PPP1R42: variants seen among roughly 807,000 people sequenced by gnomAD.
PPP1R42 encodes protein phosphatase 1 regulatory subunit 42, also known as leucine rich repeat containing 67.
In PPP1R42, 34 loss-of-function variants were observed where a neutral mutation model predicts 31.0. The ratio of observed to expected loss-of-function variants is 1.10; its 90% CI spans 0.83 to 1.46. PPP1R42 has a LOEUF of 1.46. Among genes scored for constraint, PPP1R42 ranks in the 40% most tolerant of loss-of-function variants. The probability of loss-of-function intolerance (pLI) is 0.00; values close to 1 mark genes in which losing one functional copy is unlikely to be tolerated. For missense variants in PPP1R42, 268 were observed against 303.0 expected (o/e 0.88, Z 0.86); for synonymous variants, 103 against 109.8 (o/e 0.94, Z 0.39).
intron 1 of PPP1R42, among the ~76,000 whole-genome samples, chr8:67,026,004 CAAA>C (rs534627312): frequency 3.6e-5 from 3 of 82,786 alleles, no homozygotes; most frequent in Non-Finnish European, 2.5e-5. Flanking sequence ...GACTCCGTCT[CAAA>C]AAAAAAAAAA....
intron 5 of PPP1R42, among the ~76,000 whole-genome samples, chr8:66,998,337 C>T (rs1815391932): frequency 6.6e-6 from 1 of 152,088 alleles, no homozygotes; most frequent in African/African-American, 2.4e-5. Flanking sequence ...TAAAAAAATT[C>T]ATTTCTAGTT....
intron 7 of PPP1R42, among the ~76,000 whole-genome samples, chr8:66,979,133 C>T (rs962643956): frequency 1.3e-5 from 2 of 152,162 alleles, no homozygotes; most frequent in Non-Finnish European, 2.9e-5. Context: ...TTTCCCAGAC[C>T]AATGTCCTGA....
At chr8:66,986,701 T>G (rs796237971) in intron 6 of PPP1R42, among the ~76,000 whole-genome samples, 6 of 152,370 alleles carry the variant, frequency 3.9e-5, no homozygotes, top group African/African-American at 1.4e-4. Context: ...ATTAGGCTAC[T>G]TGCAGTTTTC....
intron 5 of PPP1R42, among the ~76,000 whole-genome samples, chr8:66,999,581 C>T (rs568707802): frequency 2.7e-4 from 41 of 152,236 alleles, no homozygotes; most frequent in Non-Finnish European, 4.1e-4. Context: ...AACTCCTGAG[C>T]GCAAGAGATC....
At chr8:67,011,484 G>A (rs1194776109) in intron 4 of PPP1R42, among the ~76,000 whole-genome samples, 1 of 152,196 alleles carries the variant, frequency 6.6e-6, no homozygotes, top group African/African-American at 2.4e-5. Flanking sequence ...CAGAGATCAC[G>A]CCTGGGCGAC....
chr8:66,997,672 G>A (rs1159307214), intron 5 of PPP1R42, among the ~76,000 whole-genome samples: 19 of 150,420 alleles, frequency 1.3e-4, no homozygotes, highest in African/African-American at 4.7e-4. Context: ...TCAGCCTTTT[G>A]GGTAGCTGGT....
chr8:66,967,559 G>A (rs749762903), intron 7 of PPP1R42, among the ~76,000 whole-genome samples: 1 of 152,144 alleles, frequency 6.6e-6, no homozygotes, highest in African/African-American at 2.4e-5. Context: ...TGTTACAACT[G>A]TTCAAATATA....
At chr8:66,992,700 C>A (rs1440440162) in intron 5 of PPP1R42, among the ~76,000 whole-genome samples, 1 of 152,168 alleles carries the variant, frequency 6.6e-6, no homozygotes, top group African/African-American at 2.4e-5. Flanking sequence ...AAAAGTTTGC[C>A]TCCCGTAACC....
rs533596525 is a variant in PPP1R42, at chr8:67,010,577, G to C, written c.552+138C>G. The C allele has an allele frequency of 9.2e-6, 6 of 655,338 alleles. No individual in the cohort carries two copies. In the East Asian group the frequency reaches 1.7e-4, roughly 18 times the overall value. 40.6% of individuals were successfully genotyped at this position (655,338 alleles called of 1,614,324 possible). A position where few individuals can be genotyped will look rare whatever the true frequency, so the allele number is the denominator to read the frequency against. ...ATTATACACATAAATACATTGAGAA[G>C]TAGGGATTCATTAGCTAATTTTAGA... On this transcript the variant is annotated intron_variant, in intron 5 of 7. Transcript: ENST00000685739.
chr8:66,970,568 T>G (rs963212157), intron 7 of PPP1R42, among the ~76,000 whole-genome samples: 1 of 152,250 alleles, frequency 6.6e-6, no homozygotes, highest in African/African-American at 2.4e-5. Context: ...GAAAGTAGTC[T>G]AATTCTGTAG....
chr8:66,978,199 A>G (rs985509121), intron 7 of PPP1R42, among the ~76,000 whole-genome samples: 1 of 152,200 alleles, frequency 6.6e-6, no homozygotes, highest in African/African-American at 2.4e-5. Flanking sequence ...GGCAAAAGGC[A>G]CATCTTACAT....
At chr8:67,001,522 C>A (rs1480252913) in intron 5 of PPP1R42, among the ~76,000 whole-genome samples, 3 of 151,126 alleles carry the variant, frequency 2.0e-5, no homozygotes, top group African/African-American at 7.3e-5. Context: ...TTTCCCTTTT[C>A]TTTTCCTATC....
chr8:66,976,071 C>T lies in PPP1R42; in HGVS notation c.802+5978G>A, dbSNP rs544126386. ...CAGCTGCTCTCCATAACTCGCATTACCACCTGAGCTCTGCCTCCTATCAGA... is the reference window on the plus strand; with the variant it reads ...CAGCTGCTCTCCATAACTCGCATTATCACCTGAGCTCTGCCTCCTATCAGA... On this transcript the variant is annotated intron_variant, in intron 7 of 7. Coordinates refer to ENST00000685739, the MANE Select transcript of PPP1R42 (RefSeq NM_001364910.1). Among the ~76,000 whole-genome samples the T allele has an allele frequency of 5.9e-5, 9 of 152,238 alleles. No individual in the cohort carries two copies. In the East Asian group the frequency reaches 7.7e-4, roughly 13 times the overall value.
Position 67,017,610 on chromosome 8 carries a change from A to G in PPP1R42, c.129+9T>C, listed in dbSNP as rs926421619. The G allele has an allele frequency of 1.2e-5, 16 of 1,374,028 alleles. No individual in the cohort carries two copies. The African/African-American group carries it at 1.5e-4, about 13-fold the overall frequency. 85.1% of individuals were successfully genotyped at this position (1,374,028 alleles called of 1,614,324 possible). On this transcript the variant is annotated intron_variant, in intron 2 of 7. Coordinates refer to ENST00000685739, the MANE Select transcript of PPP1R42 (RefSeq NM_001364910.1). ...TATATAAAATAGGAAATAATTTCAA[A>G]GTTCTTACAATTGCATCTATATTTT...
rs757513182 is a variant in PPP1R42 at position 67,010,848 on chromosome 8, G to A, written c.436-17C>T. 7.7e-6 allele frequency: 12 copies of A among 1,561,398 alleles called. No individual in the cohort carries two copies. The highest frequency in any genetic ancestry group is 4.1e-5 in the African/African-American group (3 of 73,234). On this transcript the variant is annotated splice_polypyrimidine_tract_variant and intron_variant, in intron 4 of 7. Transcript: ENST00000685739. ...GAGGGATTTCTGTAAGAAAAATAAC[G>A]AAGTTAGCATTAGTAAATAGTCTAA... is the stretch of plus-strand genomic sequence containing the variant.
chr8:66,995,942 T>A (rs2130940937), intron 5 of PPP1R42, among the ~76,000 whole-genome samples: 1 of 152,324 alleles, frequency 6.6e-6, no homozygotes, highest in Admixed American at 6.5e-5. Context: ...CTATGAAAGA[T>A]GATGATTTAA....
At chr8:66,978,356 A>T (rs1202969159) in intron 7 of PPP1R42, among the ~76,000 whole-genome samples, 1 of 152,146 alleles carries the variant, frequency 6.6e-6, no homozygotes, top group African/African-American at 2.4e-5. Context: ...CGTCCCTCCC[A>T]CAACACATGG....
intron 5 of PPP1R42, among the ~76,000 whole-genome samples, chr8:66,992,164 C>T (rs888846879): frequency 8.5e-5 from 13 of 152,152 alleles, no homozygotes; most frequent in Admixed American, 8.5e-4. Context: ...TACGTTCTTG[C>T]ATGGATCCTT....
intron 2 of PPP1R42, among the ~76,000 whole-genome samples, chr8:67,014,846 C>T (rs908084744): frequency 1.3e-5 from 2 of 152,050 alleles, no homozygotes; most frequent in Non-Finnish European, 2.9e-5. Context: ...TTTCCCAGTG[C>T]AAGCAATTTT....
Sources: gnomAD v4.1 joint callset for allele counts (sites outside exome capture counted in the v4.1 genomes callset) on GRCh38, gnomAD v4.1.1 for gene constraint, MANE v1.5 for transcripts, NCBI Gene and HGNC (gene_info 2026-07-23, HGNC 2026-07-21) for gene names.